KDM4C: variants seen among roughly 807,000 people sequenced by gnomAD.
KDM4C encodes the protein lysine demethylase 4C, also known as lysine-specific demethylase 4C.
A neutral mutation model predicts 129.3 loss-of-function variants in KDM4C; 81 were observed. That is an observed-to-expected ratio of 0.63 (90% CI 0.52 to 0.75). The LOEUF is 0.75. Ranked by LOEUF, KDM4C falls within the 30% of genes least tolerant of loss-of-function variation. The pLI is 0.00. For missense variants in KDM4C, 1,457 were observed against 1,304.0 expected, an observed-to-expected ratio of 1.12 and a Z score of -1.81; for synonymous variants, 573 against 456.1, an observed-to-expected ratio of 1.26 and a Z score of -3.26.
At chr9:6,733,301 C>A (rs1817411621) in intron 1 of KDM4C, among the ~76,000 whole-genome samples, 1 of 152,206 alleles carries the variant, frequency 6.6e-6, no homozygotes, top group African/African-American at 2.4e-5. Context: ...GTCACAATTG[C>A]CTACAGAAAG....
chr9:6,775,985 A>G (rs576350254), intron 1 of KDM4C, among the ~76,000 whole-genome samples: 2 of 152,346 alleles, frequency 1.3e-5, no homozygotes, highest in South Asian at 2.1e-4. Context: ...CAAGGATACA[A>G]AATCACCCCT....
chr9:7,076,681 C>A (rs913091849), intron 17 of KDM4C: 9 of 1,276,320 alleles, frequency 7.1e-6, no homozygotes, highest in Middle Eastern at 2.1e-4. Flanking sequence ...GATCCTCACA[C>A]CTTTGTGTTT....
At chr9:7,063,281 G>A (rs1831965921) in intron 17 of KDM4C, among the ~76,000 whole-genome samples, 1 of 152,160 alleles carries the variant, frequency 6.6e-6, no homozygotes, top group African/African-American at 2.4e-5. Context: ...TTGCTTGCGA[G>A]TGAACATTTT....
intron 19 of KDM4C, among the ~76,000 whole-genome samples, chr9:7,130,798 G>C (rs958876059): frequency 6.6e-6 from 1 of 151,860 alleles, no homozygotes; most frequent in Non-Finnish European, 1.5e-5. Context: ...TCATTTTGTC[G>C]CCTAGGCTGG....
chr9:6,870,846 G>A (rs1190958166), intron 5 of KDM4C, among the ~76,000 whole-genome samples: 2 of 152,064 alleles, frequency 1.3e-5, no homozygotes, highest in African/African-American at 4.8e-5. Flanking sequence ...GGGAGTATAG[G>A]GCAGGCTTGT....
At chr9:7,151,877 A>G (rs1842762932) in intron 19 of KDM4C, among the ~76,000 whole-genome samples, 1 of 152,238 alleles carries the variant, frequency 6.6e-6, no homozygotes, top group South Asian at 2.1e-4. Flanking sequence ...TCTTCTAAGC[A>G]TGTTAGAAAG....
chr9:6,774,298 A>C (rs780615752), intron 1 of KDM4C, among the ~76,000 whole-genome samples: 1 of 152,238 alleles, frequency 6.6e-6, no homozygotes, highest in Non-Finnish European at 1.5e-5. Flanking sequence ...CCTTTAGGTA[A>C]TATACAAACA....
At chr9:6,893,501 G>T (rs1295449167) in intron 8 of KDM4C, 5 of 236,708 alleles carry the variant, frequency 2.1e-5, no homozygotes, top group Non-Finnish European at 3.3e-5. Flanking sequence ...TTATCTTGAG[G>T]CCTCCAGTTG....
At chr9:7,017,758 C>G (rs1336799682) in intron 15 of KDM4C, among the ~76,000 whole-genome samples, 2 of 152,128 alleles carry the variant, frequency 1.3e-5, no homozygotes, top group Non-Finnish European at 2.9e-5. Flanking sequence ...TCTCTAATGA[C>G]AGAGAATTAC....
chr9:6,824,259 A>G (rs964111209), intron 4 of KDM4C, among the ~76,000 whole-genome samples: 5 of 152,244 alleles, frequency 3.3e-5, no homozygotes, highest in Non-Finnish European at 5.9e-5. Flanking sequence ...CATTGGTGAC[A>G]GGTGTCATTT....
intron 17 of KDM4C, among the ~76,000 whole-genome samples, chr9:7,060,746 C>G (rs959785460): frequency 6.6e-6 from 1 of 152,084 alleles, no homozygotes. Context: ...TCCCAAAGTG[C>G]TGGGATCATA....
intron 1 of KDM4C, among the ~76,000 whole-genome samples, chr9:6,732,155 A>G (rs555207666): frequency 6.6e-6 from 1 of 151,790 alleles, no homozygotes; most frequent in East Asian, 2.0e-4. Context: ...TCACGAGGTC[A>G]GGAGATTGAG....
At chr9:6,834,790 C>G in intron 4 of KDM4C, 1 of 1,336,836 alleles carries the variant, frequency 7.5e-7, no homozygotes, top group Non-Finnish European at 1.1e-6. Context: ...CCCTGAACCC[C>G]AAGGCCAGCC....
At chr9:6,870,595 G>C (rs546410846) in intron 5 of KDM4C, among the ~76,000 whole-genome samples, 9 of 152,134 alleles carry the variant, frequency 5.9e-5, no homozygotes, top group African/African-American at 1.9e-4. Context: ...TTATTGGTCA[G>C]TTCTTCTTTT....
chr9:6,840,528 CT>C (rs1370685167), intron 4 of KDM4C, among the ~76,000 whole-genome samples: 1 of 152,098 alleles, frequency 6.6e-6, no homozygotes, highest in African/African-American at 2.4e-5. Flanking sequence ...TCCCGAGTAG[CT>C]GGGACTACAG....
At chr9:7,064,867 C>T (rs1213850281) in intron 17 of KDM4C, among the ~76,000 whole-genome samples, 1 of 152,084 alleles carries the variant, frequency 6.6e-6, no homozygotes, top group Non-Finnish European at 1.5e-5. Flanking sequence ...GTCCATTTGG[C>T]CAGTGATGAT....
chr9:7,107,769 G>A (rs1073496), intron 18 of KDM4C, among the ~76,000 whole-genome samples: 66,167 of 152,034 alleles, frequency 0.44, 14,789 homozygotes, highest in East Asian at 0.75. Context: ...TAGAGAAAAC[G>A]CTGTATTGGT....
chr9:6,784,017 T>A (rs949115446), intron 1 of KDM4C, among the ~76,000 whole-genome samples: 1 of 151,984 alleles, frequency 6.6e-6, no homozygotes, highest in African/African-American at 2.4e-5. Flanking sequence ...TGAGCATCTG[T>A]AGGCAGTGAG....
At chr9:6,757,855 G>T (rs1818511657), upstream of KDM4C, 1 of 985,626 alleles carries the variant, frequency 1.0e-6, no homozygotes, top group Non-Finnish European at 1.2e-6. Flanking sequence ...ACCACAGCGC[G>T]GAAGTTGAGC....
Sources: allele counts gnomAD v4.1 joint callset (sites outside exome capture counted in the v4.1 genomes callset), GRCh38; gene constraint gnomAD v4.1.1; transcripts MANE v1.5; gene names NCBI Gene and HGNC (gene_info 2026-07-23, HGNC 2026-07-21).